ATP2B2: variants seen among roughly 807,000 people sequenced by gnomAD.
ATP2B2 encodes plasma membrane calcium-transporting ATPase 2.
In ATP2B2, 15 loss-of-function variants were observed where a neutral mutation model predicts 120.0. The observed-to-expected ratio is 0.12, with a 90% confidence interval of 0.08 to 0.19. The LOEUF (loss-of-function observed/expected upper bound fraction) is 0.19. ATP2B2 is among the 10% of genes least tolerant of loss of function. The pLI, the probability that ATP2B2 is intolerant of heterozygous loss-of-function variation, is 1.00. For missense variants in ATP2B2, 1,045 were observed against 1,719.8 expected, an observed-to-expected ratio of 0.61 and a Z score of 6.94; for synonymous variants, 694 against 700.3, an observed-to-expected ratio of 0.99 and a Z score of 0.14.
At chr3:10,391,938 T>A (rs1305763345) in intron 5 of ATP2B2, among the ~76,000 whole-genome samples, 3 of 152,186 alleles carry the variant, frequency 2.0e-5, no homozygotes, top group Admixed American at 1.3e-4. Context: ...TCTACCTCCC[T>A]GGCCTTTGCT....
intron 2 of ATP2B2, among the ~76,000 whole-genome samples, chr3:10,571,772 C>T (rs549585448): frequency 6.6e-6 from 1 of 152,324 alleles, no homozygotes; most frequent in Admixed American, 6.5e-5. Context: ...TCGTTGGGTT[C>T]CCACTCAGCA....
intron 3 of ATP2B2, among the ~76,000 whole-genome samples, chr3:10,523,853 A>T (rs1452940646): frequency 6.6e-6 from 1 of 151,996 alleles, no homozygotes; most frequent in Non-Finnish European, 1.5e-5. Flanking sequence ...GAAAAAAAAA[A>T]AAATAAAAGA....
intron 1 of ATP2B2, among the ~76,000 whole-genome samples, chr3:10,629,348 TATACATTATCTGG>T (rs2069798631): frequency 6.6e-6 from 1 of 152,202 alleles, no homozygotes; most frequent in Admixed American, 6.5e-5. Flanking sequence ...GATCTGGGTA[TATACATTATCTGG>T]GTACATACAT....
At chr3:10,666,952 AG>A (rs2070956273) in intron 1 of ATP2B2, among the ~76,000 whole-genome samples, 2 of 152,200 alleles carry the variant, frequency 1.3e-5, no homozygotes, top group African/African-American at 4.8e-5. Flanking sequence ...ACTTTAGTGG[AG>A]TTACCAGGCA....
chr3:10,368,211 G>A (rs528315147), intron 12 of ATP2B2, among the ~76,000 whole-genome samples: 6 of 151,832 alleles, frequency 4.0e-5, no homozygotes, highest in East Asian at 1.9e-4. Context: ...AAAAGACATC[G>A]GCTAATTGGG....
intron 1 of ATP2B2, among the ~76,000 whole-genome samples, chr3:10,634,232 C>T (rs777615344): frequency 1.2e-4 from 18 of 152,340 alleles, no homozygotes; most frequent in South Asian, 1.0e-3. Flanking sequence ...CTGTTATTTA[C>T]AGGCAAAGTG....
intron 2 of ATP2B2, 74 bp downstream of exon 2, chr3:10,449,271 A>T: frequency 1.3e-6 from 2 of 1,511,746 alleles, no homozygotes; most frequent in Non-Finnish European, 1.8e-6. Flanking sequence ...ACATATTATG[A>T]ATATGGTCCC....
At chr3:10,676,324 G>T (rs765361381) in intron 1 of ATP2B2, among the ~76,000 whole-genome samples, 3 of 152,140 alleles carry the variant, frequency 2.0e-5, no homozygotes, top group Non-Finnish European at 4.4e-5. Flanking sequence ...CAGGGATGGG[G>T]TGCCACTGAG....
intron 2 of ATP2B2, among the ~76,000 whole-genome samples, chr3:10,561,890 T>C (rs1393948035): frequency 2.6e-5 from 4 of 152,174 alleles, no homozygotes; most frequent in Admixed American, 6.5e-5. Flanking sequence ...AGCATGAGAA[T>C]AGGCTAGTAC....
At chr3:10,412,848 C>A (rs749528043) in intron 2 of ATP2B2, among the ~76,000 whole-genome samples, 1 of 152,116 alleles carries the variant, frequency 6.6e-6, no homozygotes, top group Non-Finnish European at 1.5e-5. Flanking sequence ...GGCCCCGCAG[C>A]GGGGCAACGA....
intron 1 of ATP2B2, among the ~76,000 whole-genome samples, chr3:10,498,981 C>T (rs142941687): frequency 9.3e-4 from 141 of 152,282 alleles, no homozygotes; most frequent in Non-Finnish European, 1.6e-3. Context: ...CCCATCATCT[C>T]GTGGCACAAT....
At chr3:10,559,046 C>A (rs1202274943) in intron 2 of ATP2B2, among the ~76,000 whole-genome samples, 2 of 152,194 alleles carry the variant, frequency 1.3e-5, no homozygotes, top group East Asian at 3.8e-4. Context: ...TTCAGAAATG[C>A]TTTTCTTCCC....
At chr3:10,660,109 G>A (rs1006872009) in intron 1 of ATP2B2, among the ~76,000 whole-genome samples, 4 of 152,160 alleles carry the variant, frequency 2.6e-5, no homozygotes, top group Admixed American at 2.0e-4. Flanking sequence ...TGTGTAGAGG[G>A]AAATTTATAG....
rs2059851844 is a variant in ATP2B2 at position 10,326,065 on chromosome 3, T to C, written c.*2749A>G. The C allele has an allele frequency of 6.7e-6, 1 of 148,562 alleles. No homozygotes were observed. Among genetic ancestry groups the C allele is most frequent in the South Asian group, 2.2e-4 (1 of 4,520 alleles). The allele number at this position is 148,562 out of a possible 1,614,324, so 9.2% of individuals were successfully genotyped here. ...TTGAAAGCATAACCATTGCATAGTA[T>C]TAAATGAACAGAGATGGTGAGTTCT... On this transcript the variant is annotated 3_prime_UTR_variant, in exon 23 of 23. Coordinates refer to ENST00000360273, the MANE Select transcript of ATP2B2 (RefSeq NM_001001331.4).
Position 10,471,390 on chromosome 3 carries a change from GTGTGTGTGTT to G in ATP2B2, c.-319-21538_-319-21529del, listed in dbSNP as rs1368603278. ...TGTGTGTGTGTGTGTGTGTGTGTGT[GTGTGTGTGTT>G]TGTGTGCGTGCACGTGTGCGTGCGT... On this transcript the variant is annotated intron_variant, in intron 1 of 22. Transcript: ENST00000360273. Among the ~76,000 whole-genome samples, 8 of 136,386 alleles carry G rather than the reference GTGTGTGTGTT, an allele frequency of 5.9e-5. No homozygotes were observed. In the East Asian group the frequency reaches 8.0e-4, roughly 14 times the overall value. The allele number at this position is 136,386 out of a possible 152,430, so 89.5% of individuals were successfully genotyped here.
intron 5 of ATP2B2, among the ~76,000 whole-genome samples, chr3:10,392,003 A>C (rs1233530105): frequency 6.6e-6 from 1 of 152,018 alleles, no homozygotes; most frequent in Non-Finnish European, 1.5e-5. Flanking sequence ...CCTCCTCCAC[A>C]GGATGAATGC....
intron 1 of ATP2B2, among the ~76,000 whole-genome samples, chr3:10,479,741 A>C (rs1014617630): frequency 6.6e-6 from 1 of 152,094 alleles, no homozygotes; most frequent in African/African-American, 2.4e-5. Context: ...GATTATCTGC[A>C]AGTAGTTCAA....
At position 10,324,149 on chromosome 3, in the gene ATP2B2, G is replaced by A. The variant is rs1035867933; in HGVS notation, c.*4665C>T. On this transcript the variant is annotated 3_prime_UTR_variant, in exon 23 of 23. Coordinates refer to ENST00000360273, the MANE Select transcript of ATP2B2 (RefSeq NM_001001331.4). ...ATAAAGAGTGTACAATAAGAGCACA[G>A]TCACTTCCCAGCCCCGATTGTCCCA... is the stretch of plus-strand genomic sequence containing the variant. 1 of 152,122 alleles carries A rather than the reference G, an allele frequency of 6.6e-6. No homozygotes were observed. The highest frequency in any genetic ancestry group is 1.5e-5 in the Non-Finnish European group (1 of 68,030). The allele number at this position is 152,122 out of a possible 1,614,324, so 9.4% of individuals were successfully genotyped here.
At chr3:10,637,570 T>C (rs545964997) in intron 1 of ATP2B2, among the ~76,000 whole-genome samples, 7 of 152,240 alleles carry the variant, frequency 4.6e-5, no homozygotes, top group South Asian at 2.1e-4. Flanking sequence ...AACTTGAAGA[T>C]AGCAATAGAA....
Sources: allele counts gnomAD v4.1 joint callset (sites outside exome capture counted in the v4.1 genomes callset), GRCh38; gene constraint gnomAD v4.1.1; transcripts MANE v1.5; gene names NCBI Gene and HGNC (gene_info 2026-07-23, HGNC 2026-07-21).